The following ROBO2 variants were observed in gnomAD, a reference collection of about 807,000 sequenced individuals.
ROBO2 encodes roundabout homolog 2.
In ROBO2, 53 loss-of-function variants were observed where a neutral mutation model predicts 160.8. The observed-to-expected ratio is 0.33, with a 90% CI of 0.26 to 0.41. The LOEUF (loss-of-function observed/expected upper bound fraction) is 0.41. Ranked by LOEUF, ROBO2 falls within the 10% of genes least tolerant of loss-of-function variation. ROBO2 has a pLI of 1.00. For missense variants in ROBO2, 1,577 were observed against 1,722.4 expected, an observed-to-expected ratio of 0.92 and a Z score of 1.49; for synonymous variants, 664 against 611.7, an observed-to-expected ratio of 1.09 and a Z score of -1.26.
chr3:77,642,556 A>AT (rs1290531198), intron 24 of ROBO2, 115 bp from the exon 26 acceptor site: 3 of 359,036 alleles, frequency 8.4e-6, no homozygotes, highest in South Asian at 2.1e-5. Flanking sequence ...TTTTCCCCAA[A>AT]TTTTTTTTGT....
At chr3:76,688,022 T>C (rs2092720265) in intron 2 of ROBO2, among the ~76,000 whole-genome samples, 1 of 151,832 alleles carries the variant, frequency 6.6e-6, no homozygotes, top group Non-Finnish European at 1.5e-5. Context: ...ATTCAAATTA[T>C]ATTTTTTCTC....
intron 2 of ROBO2, among the ~76,000 whole-genome samples, chr3:77,018,999 G>A (rs906527524): frequency 2.0e-5 from 3 of 152,052 alleles, no homozygotes; most frequent in East Asian, 1.9e-4. Flanking sequence ...GTACATCCCC[G>A]CTCAAGTTGG....
At chr3:76,927,982 T>C (rs1009322277) in intron 2 of ROBO2, among the ~76,000 whole-genome samples, 1 of 152,148 alleles carries the variant, frequency 6.6e-6, no homozygotes, top group Non-Finnish European at 1.5e-5. Flanking sequence ...ATTTTCACAG[T>C]GGTAGGCAGA....
rs570615940 is a variant in ROBO2, at chr3:76,289,107, C to T, written c.109+351505C>T. Among the ~76,000 whole-genome samples the T allele has an allele frequency of 8.2e-4, 125 of 152,270 alleles. 1 individual carries two copies. Among genetic ancestry groups the T allele is most frequent in the African/African-American group, 2.9e-3 (120 of 41,572 alleles). ...CACTGGCTGGATTAATTTACATTCC[C>T]ACCAGTAGCGTATAAGGGTTCCCTT... On this transcript the variant is annotated intron_variant, in intron 2 of 26. Coordinates refer to the ROBO2 transcript ENST00000487694.
rs184780510 is a variant in ROBO2, at chr3:77,127,728, T to C, written c.388+29388T>C. ...CAGGAAAATTAAGGCCTCATTCCCT[T>C]GTAGGTTGTGTTATCAGTTAAGGCT... On this transcript the variant is annotated intron_variant, in intron 2 of 25. Coordinates refer to ENST00000461745, the Ensembl canonical transcript of ROBO2. 3.6e-3 allele frequency among the ~76,000 whole-genome samples: 544 copies of C among 152,220 alleles called. 6 individuals carry two copies. Among genetic ancestry groups the C allele is most frequent in the Non-Finnish European group, 5.1e-3 (344 of 68,008 alleles).
At chr3:77,583,029 C>T (rs1473989266) in intron 16 of ROBO2, among the ~76,000 whole-genome samples, 1 of 151,410 alleles carries the variant, frequency 6.6e-6, no homozygotes, top group African/African-American at 2.4e-5. Flanking sequence ...GTAGTCCCAG[C>T]TACTCGGGAG....
At chr3:76,159,304 A>G (rs1284433977) in intron 2 of ROBO2, among the ~76,000 whole-genome samples, 1 of 152,226 alleles carries the variant, frequency 6.6e-6, no homozygotes, top group Non-Finnish European at 1.5e-5. Flanking sequence ...ATCCTTGGAC[A>G]GAAAGAAACA....
chr3:77,034,992 T>C (rs1348033977), upstream of ROBO2, among the ~76,000 whole-genome samples: 1 of 151,852 alleles, frequency 6.6e-6, no homozygotes, highest in East Asian at 1.9e-4. Context: ...CAAGAAATGA[T>C]AAAATAATGG....
At chr3:76,449,470 C>G (rs1489556895) in intron 2 of ROBO2, among the ~76,000 whole-genome samples, 2 of 151,986 alleles carry the variant, frequency 1.3e-5, no homozygotes, top group Non-Finnish European at 2.9e-5. Flanking sequence ...ACCCTACATG[C>G]TGGGGTAGGG....
At chr3:75,940,922 T>C (rs565812838) in intron 2 of ROBO2, among the ~76,000 whole-genome samples, 1 of 152,122 alleles carries the variant, frequency 6.6e-6, no homozygotes, top group African/African-American at 2.4e-5. Flanking sequence ...CAGCAGTTAT[T>C]ATATTCAGAA....
At chr3:77,012,184 G>A (rs955148409) in intron 2 of ROBO2, among the ~76,000 whole-genome samples, 1 of 152,110 alleles carries the variant, frequency 6.6e-6, no homozygotes, top group African/African-American at 2.4e-5. Flanking sequence ...TCGGGAATGT[G>A]TACAGTTTAT....
chr3:77,202,762 T>C (rs1186622338), intron 2 of ROBO2, among the ~76,000 whole-genome samples: 1 of 152,108 alleles, frequency 6.6e-6, no homozygotes, highest in Non-Finnish European at 1.5e-5. Context: ...CCTTCATTCA[T>C]CAAATATTTA....
intron 2 of ROBO2, among the ~76,000 whole-genome samples, chr3:76,780,389 C>T (rs1191868466): frequency 6.6e-6 from 1 of 150,606 alleles, no homozygotes; most frequent in Non-Finnish European, 1.5e-5. Context: ...GCTTTTTCAT[C>T]TTGTTGATTG....
At chr3:77,046,615 G>C (rs1174740125) in intron 1 of ROBO2, among the ~76,000 whole-genome samples, 3 of 152,144 alleles carry the variant, frequency 2.0e-5, no homozygotes, top group Non-Finnish European at 4.4e-5. Context: ...CTTAGTGGTA[G>C]AGCAGAAACT....
At chr3:76,938,533 G>C (rs528581627) in intron 2 of ROBO2, among the ~76,000 whole-genome samples, 1 of 151,576 alleles carries the variant, frequency 6.6e-6, no homozygotes, top group Non-Finnish European at 1.5e-5. Flanking sequence ...CTCTCTCTCT[G>C]AGCTTTTCCA....
intron 2 of ROBO2, among the ~76,000 whole-genome samples, chr3:76,428,609 A>C (rs1169558021): frequency 1.3e-5 from 2 of 152,042 alleles, no homozygotes; most frequent in African/African-American, 4.8e-5. Context: ...ACTATAGTCT[A>C]ACAGAAACAA....
At position 77,381,008 on chromosome 3, in the gene ROBO2, A is replaced by C. The variant is rs571978174; in HGVS notation, c.389-96406A>C. Among the ~76,000 whole-genome samples the C allele has an allele frequency of 5.9e-5, 9 of 152,170 alleles. No homozygotes were observed. In the South Asian group the frequency reaches 1.9e-3, roughly 32 times the overall value. On this transcript the variant is annotated intron_variant, in intron 2 of 25. Transcript: ENST00000461745. Reference sequence around the variant, plus strand: ...ATCACCATTCATTTCTAAAGCAGACATTTAGAATAATCAGGACAGCATTTT... The same window carrying C: ...ATCACCATTCATTTCTAAAGCAGACCTTTAGAATAATCAGGACAGCATTTT...
intron 2 of ROBO2, among the ~76,000 whole-genome samples, chr3:77,178,116 G>C (rs1041677287): frequency 1.6e-4 from 24 of 152,104 alleles, no homozygotes; most frequent in African/African-American, 5.1e-4. Context: ...TAAGTAGACA[G>C]TAAAGACAAC....
intron 6 of ROBO2, among the ~76,000 whole-genome samples, chr3:77,526,823 C>A (rs778683580): frequency 1.9e-4 from 29 of 151,448 alleles, no homozygotes; most frequent in Admixed American, 4.0e-4. Flanking sequence ...AGTTAGGGAG[C>A]TACTGAGTTG....
Sources: allele counts gnomAD v4.1 joint callset (sites outside exome capture counted in the v4.1 genomes callset), GRCh38; gene constraint gnomAD v4.1.1; transcripts MANE v1.5; gene names NCBI Gene and HGNC (gene_info 2026-07-23, HGNC 2026-07-21).